STIL: variants seen among roughly 807,000 people sequenced by gnomAD.
The protein encoded by STIL is SCL-interrupting locus protein.
Under a neutral mutation model 110.1 loss-of-function variants are expected in STIL, and 55 were observed. The observed-to-expected ratio is 0.50, with a 90% CI of 0.40 to 0.63. The LOEUF (loss-of-function observed/expected upper bound fraction) is 0.63. Among genes scored for constraint, STIL ranks in the 20% least tolerant of loss-of-function variants. STIL has a pLI of 0.00. For synonymous variants in STIL, 481 were observed against 530.0 expected, an observed-to-expected ratio of 0.91 and a Z score of 1.27; for missense variants, 1,358 against 1,530.0, an observed-to-expected ratio of 0.89 and a Z score of 1.87.
intron 15 of STIL, among the ~76,000 whole-genome samples, chr1:47,262,574 A>G (rs1644515830): frequency 6.6e-6 from 1 of 152,194 alleles, no homozygotes; most frequent in Non-Finnish European, 1.5e-5. Context: ...AAATGTTATC[A>G]TAAATATCCC....
chr1:47,292,172 G>A (rs911837401), intron 8 of STIL, among the ~76,000 whole-genome samples: 12 of 151,774 alleles, frequency 7.9e-5, no homozygotes, highest in Non-Finnish European at 1.5e-4. Context: ...GCCTGGTCTG[G>A]GGACCTTTAT....
At chr1:47,309,942 A>G (rs552580361) in intron 2 of STIL, among the ~76,000 whole-genome samples, 5 of 152,316 alleles carry the variant, frequency 3.3e-5, no homozygotes, top group East Asian at 1.9e-4. Flanking sequence ...TTTCCCATCA[A>G]TAAAGATCTA....
At chr1:47,307,457 C>T (rs943730473) in intron 2 of STIL, among the ~76,000 whole-genome samples, 8 of 152,186 alleles carry the variant, frequency 5.3e-5, no homozygotes, top group Non-Finnish European at 1.0e-4. Context: ...TTACTGCAAT[C>T]TCTAAACATA....
chr1:47,253,537 G>A (rs539716864), intron 16 of STIL, among the ~76,000 whole-genome samples: 6 of 152,236 alleles, frequency 3.9e-5, no homozygotes, highest in African/African-American at 1.4e-4. Context: ...GAAAACTGAG[G>A]AATAGAGATT....
chr1:47,275,827 A>G (rs1237835242), intron 12 of STIL, among the ~76,000 whole-genome samples: 2 of 151,854 alleles, frequency 1.3e-5, no homozygotes, highest in Admixed American at 6.6e-5. Flanking sequence ...GAGTCTCACT[A>G]TGTTGCCCTG....
upstream of STIL, chr1:47,314,253 C>A (rs1053078771): frequency 6.6e-6 from 1 of 152,284 alleles, no homozygotes; most frequent in Non-Finnish European, 1.5e-5. Context: ...GAGCCGCGCA[C>A]GGTCGCCGTT....
Position 47,280,253 on chromosome 1 carries a change from T to A in STIL, c.2205A>T (p.Leu735=). The A allele has an allele frequency of 6.2e-7, 1 of 1,614,230 alleles. No individual in the cohort carries two copies. Among genetic ancestry groups the A allele is most frequent in the Non-Finnish European group, 8.5e-7 (1 of 1,180,048 alleles). ...FLTEQDRQLR[L]LQAQIQRLLE... ...GCACCAAGCAAACCTGTGCCTGAAG[T>A]AGTCTTAGCTGTCTGTCTTGTTCTG... The change falls in exon 12 of 17, where the codon CTA becomes CTT. Residue 735 remains leucine (L), a synonymous_variant. Transcript: ENST00000371877.
At chr1:47,290,698 G>C (rs1341053369) in intron 8 of STIL, among the ~76,000 whole-genome samples, 1 of 145,032 alleles carries the variant, frequency 6.9e-6, no homozygotes, top group Non-Finnish European at 1.5e-5. Flanking sequence ...GCAAGACTCC[G>C]TCTCAAAAAA....
In STIL at chr1:47,262,506, C is replaced by T. The variant is rs575818520; in HGVS notation, c.2829+397G>A. Among the ~76,000 whole-genome samples the T allele has an allele frequency of 5.3e-5, 8 of 152,290 alleles. No individual in the cohort carries two copies. The South Asian group carries it at 1.7e-3, about 32-fold the overall frequency. Reference sequence around the variant, plus strand: ...TATATTATCGATTTCACTTAGCCTACTGTCTTAGACTAAGCTAAGTATTTA... The same window carrying T: ...TATATTATCGATTTCACTTAGCCTATTGTCTTAGACTAAGCTAAGTATTTA... On this transcript the variant is annotated intron_variant, in intron 15 of 16. Transcript: ENST00000371877.
intron 14 of STIL, among the ~76,000 whole-genome samples, chr1:47,265,047 C>G (rs1364704955): frequency 6.6e-6 from 1 of 150,682 alleles, no homozygotes; most frequent in Non-Finnish European, 1.5e-5. Flanking sequence ...ACCAGCCTGG[C>G]CAACACGGTG....
intron 16 of STIL, among the ~76,000 whole-genome samples, chr1:47,253,046 G>C (rs1226443093): frequency 6.6e-6 from 1 of 151,996 alleles, no homozygotes; most frequent in African/African-American, 2.4e-5. Flanking sequence ...AAACTCCTGA[G>C]GTAAAGCGAG....
chr1:47,279,087 G>A (rs1255258213), intron 12 of STIL, among the ~76,000 whole-genome samples: 1 of 152,052 alleles, frequency 6.6e-6, no homozygotes, highest in African/African-American at 2.4e-5. Context: ...CACAAGGTCA[G>A]GAGATCGAGA....
At chr1:47,269,089 A>C (rs1415674725) in intron 14 of STIL, among the ~76,000 whole-genome samples, 2 of 115,788 alleles carry the variant, frequency 1.7e-5, no homozygotes, top group East Asian at 4.2e-4. Context: ...GGACTCCGTC[A>C]AAAAAAAAAA....
At chr1:47,284,704 A>G (rs1427474552) in intron 10 of STIL, among the ~76,000 whole-genome samples, 1 of 152,148 alleles carries the variant, frequency 6.6e-6, no homozygotes, top group East Asian at 1.9e-4. Flanking sequence ...AGCCTGGCCA[A>G]CATGGTGAAA....
At chr1:47,263,363 C>T (rs1413298316) in intron 14 of STIL, among the ~76,000 whole-genome samples, 2 of 152,006 alleles carry the variant, frequency 1.3e-5, no homozygotes, top group South Asian at 2.1e-4. Context: ...GGGAATATAT[C>T]GAGACCCCAT....
chr1:47,270,227 CAAA>C (rs34842407), intron 13 of STIL, among the ~76,000 whole-genome samples: 28,114 of 83,186 alleles, frequency 0.34, 5,004 homozygotes, highest in Non-Finnish European at 0.43. Flanking sequence ...AACTCTGGCT[CAAA>C]AAAAAAAAAA....
chr1:47,271,632 T>C (rs1644838146), intron 13 of STIL, among the ~76,000 whole-genome samples: 2 of 150,762 alleles, frequency 1.3e-5, no homozygotes, highest in Admixed American at 1.3e-4. Flanking sequence ...GGTGATTTTA[T>C]GAAAATAAAT....
chr1:47,278,247 T>C (rs59492977), intron 12 of STIL, among the ~76,000 whole-genome samples: 33,804 of 152,070 alleles, frequency 0.22, 4,428 homozygotes, highest in East Asian at 0.53. Flanking sequence ...GGAGAACAAT[T>C]AGAAAATTTG....
intron 9 of STIL, 88 bp from the exon 10 acceptor site, chr1:47,287,748 T>C: frequency 2.0e-6 from 2 of 1,009,206 alleles, no homozygotes; most frequent in South Asian, 1.3e-5. Context: ...TCTGAAACAC[T>C]AGATGATGGA....
Sources: allele counts gnomAD v4.1 joint callset (sites outside exome capture counted in the v4.1 genomes callset), GRCh38; gene constraint gnomAD v4.1.1; transcripts MANE v1.5; gene names NCBI Gene and HGNC (gene_info 2026-07-23, HGNC 2026-07-21).